ACLY: variants seen among roughly 807,000 people sequenced by gnomAD.
The protein encoded by ACLY is ATP-citrate synthase.
A neutral mutation model predicts 133.0 loss-of-function variants in ACLY; 41 were observed. The ratio of observed to expected loss-of-function variants is 0.31; its 90% CI spans 0.24 to 0.40. ACLY has a LOEUF of 0.40. Ranked by LOEUF, ACLY falls within the 10% of genes least tolerant of loss-of-function variation. The pLI is 1.00. For missense variants in ACLY, 1,046 were observed against 1,453.8 expected, an observed-to-expected ratio of 0.72 and a Z score of 4.56; for synonymous variants, 495 against 549.3, an observed-to-expected ratio of 0.90 and a Z score of 1.38.
intron 7 of ACLY, 91 bp downstream of exon 7, chr17:41,907,351 C>T: frequency 7.9e-7 from 1 of 1,261,190 alleles, no homozygotes. Flanking sequence ...AAATAAACAG[C>T]TCATGAAGGG....
At chr17:41,897,724 C>T (rs372886389) in intron 13 of ACLY, 25 bp downstream of exon 13, 47 of 1,607,256 alleles carry the variant, frequency 2.9e-5, no homozygotes, top group Non-Finnish European at 3.7e-5. Context: ...CTCCCTGCAA[C>T]ATGCCTGAAG....
rs372005749 is a variant in ACLY, at chr17:41,930,532, T to A, written c.-202A>T. On this transcript the variant is annotated 5_prime_UTR_variant, in exon 1 of 4. Transcript: ENST00000592970. Reference sequence around the variant, plus strand: ...ACGCAATCATCACTCCCTGGCCCAGTGCGCGGCAGAACTGGCGCAAGCGCA... The same window carrying A: ...ACGCAATCATCACTCCCTGGCCCAGAGCGCGGCAGAACTGGCGCAAGCGCA... The A allele has an allele frequency of 1.3e-5, 7 of 552,946 alleles. 1 individual carries two copies. Among genetic ancestry groups the A allele is most frequent in the South Asian group, 1.2e-4 (6 of 48,450 alleles). The allele number at this position is 552,946 out of a possible 1,614,324, so 34.3% of individuals were successfully genotyped here.
chr17:41,895,617 CT>C (rs1555630184), intron 14 of ACLY, among the ~76,000 whole-genome samples: 3 of 152,240 alleles, frequency 2.0e-5, no homozygotes, highest in Non-Finnish European at 4.4e-5. Flanking sequence ...GATAACCCCC[CT>C]CCTCATAACC....
intron 8 of ACLY, 64 bp from the exon 9 acceptor site, chr17:41,905,722 C>T: frequency 1.3e-6 from 2 of 1,599,318 alleles, no homozygotes; most frequent in Non-Finnish European, 1.7e-6. Flanking sequence ...CAGCCTGGTG[C>T]CTGGGAGGAC....
upstream of ACLY, among the ~76,000 whole-genome samples, chr17:41,921,479 GAAAAAAAA>G (rs782660866): frequency 2.8e-4 from 12 of 42,434 alleles, no homozygotes; most frequent in Non-Finnish European, 4.8e-4. Flanking sequence ...CCCTGTCTCA[GAAAAAAAA>G]AAAAAAAACA....
chr17:41,908,925 C>G (rs2049807510), intron 6 of ACLY, 64 bp downstream of exon 6: 1 of 1,370,992 alleles, frequency 7.3e-7, no homozygotes, highest in Non-Finnish European at 1.0e-6. Flanking sequence ...CTCTGAATGC[C>G]AAGGCCAGGG....
In ACLY at chr17:41,892,293, T is replaced by C. The variant is rs1385639259; in HGVS notation, c.1756A>G (p.Met586Val). 6.5e-6 allele frequency: 9 copies of C among 1,384,062 alleles called. No homozygotes were observed. The East Asian group carries it at 3.2e-4, about 49-fold the overall frequency. The allele number at this position is 1,384,062 out of a possible 1,614,324, so 85.7% of individuals were successfully genotyped here. A position where few individuals can be genotyped will look rare whatever the true frequency, so the allele number is the denominator to read the frequency against. Residue 586 changes from methionine to valine, a missense_variant, in exon 16 of 29, where the codon ATG becomes GTG. By Grantham distance (21) the Met-to-Val change is conservative. Around this residue, in one of 4 missense-constraint regions of ACLY, gnomAD observed 575 missense variants for 804.2 expected, o/e 0.71. Transcript: ENST00000352035. ...CAGTGATCTACCTGGGCATAGTTCA[T>C]GGTCTCCATGGTGCTGTCATAGGCA... ...RSAYDSTMET[M>V]NYAQIRTIAI...
rs781808208 is a variant in ACLY, at chr17:41,907,514, G to A, written c.675C>T (p.Ala225=). The stretch of plus-strand genomic sequence containing the variant: ...CCCACTTCACTTTGCAGATGTAGTC[G>A]GCAGTGGCGTCCACCTTGGCCGCCA... The part of the protein sequence containing the change: ...LDLAAKVDAT[A]DYICKVKWGD... The change falls in exon 7 of 29, where the codon GCC becomes GCT. Residue 225 remains alanine, a synonymous_variant. Coordinates refer to ENST00000352035, the MANE Select transcript of ACLY (RefSeq NM_001096.3). 4.1e-5 allele frequency: 66 copies of A among 1,613,760 alleles called. No individual in the cohort carries two copies. The highest frequency in any genetic ancestry group is 1.3e-4 in the South Asian group (12 of 91,070).
rs558267520 is a variant in ACLY at position 41,924,381 on chromosome 17, T to C, written c.-28+5977A>G. Among the ~76,000 whole-genome samples, 3 of 151,766 alleles carry C rather than the reference T, an allele frequency of 2.0e-5. No homozygotes were observed. In the South Asian group the frequency reaches 6.2e-4, roughly 32 times the overall value. ...CCAGGATGGTCTCAATCTCCTGACC[T>C]CGTGATCCGCCCGCCTCAGCCTCCC... On this transcript the variant is annotated intron_variant, in intron 1 of 3. Transcript: ENST00000592970.
At chr17:41,910,634 C>T (rs181070106) in intron 3 of ACLY, among the ~76,000 whole-genome samples, 2 of 152,316 alleles carry the variant, frequency 1.3e-5, no homozygotes, top group Non-Finnish European at 2.9e-5. Flanking sequence ...AGGGAGGTAA[C>T]CATTCTGCTT....
At chr17:41,872,207 G>C (rs1555625269) in intron 23 of ACLY, 25 bp from the exon 24 acceptor site, 2 of 1,605,634 alleles carry the variant, frequency 1.2e-6, no homozygotes, top group Non-Finnish European at 1.7e-6. Flanking sequence ...ACAAAGGCCA[G>C]GAGATGGTCG....
chr17:41,924,339 G>A (rs1269862887), intron 1 of ACLY, among the ~76,000 whole-genome samples: 1 of 145,962 alleles, frequency 6.9e-6, no homozygotes, highest in Non-Finnish European at 1.5e-5. Flanking sequence ...AGTAGAGATG[G>A]GGTTTCACCA....
At position 41,867,207 on chromosome 17, in the gene ACLY, TG is replaced by T. The variant is rs1197584740; in HGVS notation, c.*602del. 6.6e-6 allele frequency: 1 copy of T among 152,614 alleles called. No homozygotes were observed. Among genetic ancestry groups the T allele is most frequent in the Non-Finnish European group, 1.5e-5 (1 of 68,050 alleles). 9.5% of individuals were successfully genotyped at this position (152,614 alleles called of 1,614,324 possible). On this transcript the variant is annotated 3_prime_UTR_variant, in exon 29 of 29. Transcript: ENST00000352035. ...TTTGTGACAATGGCTAAGGATGCAA[TG>T]GCCCCATCCCCCTGACATAAACAGA...
intron 9 of ACLY, 73 bp from the exon 10 acceptor site, chr17:41,904,863 G>A (rs2049664257): frequency 2.7e-5 from 39 of 1,450,390 alleles, no homozygotes; most frequent in Non-Finnish European, 3.7e-5. Context: ...CAATCCAACT[G>A]AGGAAGTTCT....
intron 16 of ACLY, among the ~76,000 whole-genome samples, chr17:41,890,942 G>A (rs2049193335): frequency 6.6e-6 from 1 of 151,256 alleles, no homozygotes; most frequent in African/African-American, 2.4e-5. Flanking sequence ...GGAAGTGGAG[G>A]CTGTGTGACA....
chr17:41,903,837 C>A (rs978515242), intron 10 of ACLY, among the ~76,000 whole-genome samples: 5 of 146,586 alleles, frequency 3.4e-5, no homozygotes, highest in Admixed American at 6.8e-5. Flanking sequence ...TAAGGAGGAT[C>A]GGTTGGGCAT....
chr17:41,883,242 A>G lies in ACLY; in HGVS notation c.2155-10T>C. The G allele has an allele frequency of 6.2e-7, 1 of 1,612,502 alleles. No individual in the cohort carries two copies. The highest frequency in any genetic ancestry group is 1.1e-5 in the South Asian group (1 of 91,060). ...CCTCAGTGCCCCCAATCTGCCAAGG[A>G]ATGGGGAATGAGAAAAAGCCAAGTT... is the stretch of plus-strand genomic sequence containing the variant. On this transcript the variant is annotated splice_polypyrimidine_tract_variant and intron_variant, in intron 19 of 28. Transcript: ENST00000352035.
chr17:41,908,594 G>A (rs782545479), intron 6 of ACLY, among the ~76,000 whole-genome samples: 17 of 152,160 alleles, frequency 1.1e-4, no homozygotes, highest in African/African-American at 3.4e-4. Flanking sequence ...GTGAAACCCC[G>A]TCTCTACTAA....
intron 3 of ACLY, among the ~76,000 whole-genome samples, chr17:41,911,421 G>A (rs1555633627): frequency 6.6e-6 from 1 of 152,204 alleles, no homozygotes; most frequent in Admixed American, 6.5e-5. Context: ...GGAATAAGAA[G>A]AAACATAATT....
Sources: allele counts gnomAD v4.1 joint callset (sites outside exome capture counted in the v4.1 genomes callset), GRCh38; gene constraint gnomAD v4.1.1; regional missense constraint gnomAD v4.1.1; transcripts MANE v1.5; gene names NCBI Gene and HGNC (gene_info 2026-07-23, HGNC 2026-07-21).